The following NDUFB6 variants were observed in gnomAD, a reference collection of about 807,000 sequenced individuals.
The protein encoded by NDUFB6 is NADH dehydrogenase [ubiquinone] 1 beta subcomplex subunit 6.
NDUFB6 carries 23 observed loss-of-function variants against 17.5 expected under a neutral mutation model. That is an observed-to-expected ratio of 1.31 (90% CI 0.94 to 1.86). NDUFB6 has a LOEUF of 1.86. Among genes scored for constraint, NDUFB6 ranks in the 40% most tolerant of loss-of-function variants. The pLI is 0.00. For synonymous variants in NDUFB6, 60 were observed against 53.5 expected (o/e 1.12, Z -0.53); for missense variants, 167 against 153.8 (o/e 1.09, Z -0.46).
At position 32,553,870 on chromosome 9, in the gene NDUFB6, TA is replaced by T; in HGVS notation, c.*5del. 6.4e-7 allele frequency: 1 copy of T among 1,559,728 alleles called. No individual in the cohort carries two copies. Among genetic ancestry groups the T allele is most frequent in the African/African-American group, 1.4e-5 (1 of 73,530 alleles). On this transcript the variant is annotated 3_prime_UTR_variant, in exon 4 of 4. Transcript: ENST00000379847. ...CTCATAAGCCTTTTAACTTTTTACA[TA>T]ATCTTTAATGATGTTGATCAGGAAA...
chr9:32,566,668 G>A (rs148230845), intron 2 of NDUFB6: 49 of 812,430 alleles, frequency 6.0e-5, no homozygotes, highest in Admixed American at 3.2e-4. Context: ...AGGTAACTCC[G>A]GATCCGGCTT....
rs751685556 is a variant in NDUFB6, at chr9:32,558,892, A to G, written c.318+18T>C. ...AAAAACAATAAACAAAAGAAAAATC[A>G]GAAGTGTTAAGACTTACAGGGAATA... On this transcript the variant is annotated intron_variant, in intron 3 of 3. Transcript: ENST00000379847. 6.0e-6 allele frequency: 9 copies of G among 1,493,056 alleles called. No homozygotes were observed. In the East Asian group the frequency reaches 1.8e-4, roughly 30 times the overall value. The allele number at this position is 1,493,056 out of a possible 1,614,324, so 92.5% of individuals were successfully genotyped here.
At chr9:32,572,756 G>T in intron 1 of NDUFB6, 125 bp downstream of exon 1, 2 of 840,620 alleles carry the variant, frequency 2.4e-6, no homozygotes, top group Non-Finnish European at 3.5e-6. Flanking sequence ...CTCGGGACTG[G>T]CCAGTGTCCC....
chr9:32,562,239 G>C (rs1470960577), intron 2 of NDUFB6, among the ~76,000 whole-genome samples: 1 of 152,116 alleles, frequency 6.6e-6, no homozygotes, highest in Non-Finnish European at 1.5e-5. Context: ...TAAAGTCTTT[G>C]AGGTCAGGAA....
At chr9:32,559,603 C>T (rs942307489) in intron 2 of NDUFB6, among the ~76,000 whole-genome samples, 5 of 152,134 alleles carry the variant, frequency 3.3e-5, no homozygotes, top group African/African-American at 1.2e-4. Flanking sequence ...TTCATGATTC[C>T]TCTACCTGAA....
At chr9:32,565,835 G>A (rs867561395) in intron 2 of NDUFB6, among the ~76,000 whole-genome samples, 7 of 152,122 alleles carry the variant, frequency 4.6e-5, no homozygotes, top group Admixed American at 6.5e-5. Flanking sequence ...AGCCAGGCAT[G>A]GTGGCACATA....
chr9:32,571,007 G>A lies in NDUFB6; in HGVS notation c.226C>T (p.Leu76Phe), dbSNP rs1331314996. 1 of 1,605,812 alleles carries A rather than the reference G, an allele frequency of 6.2e-7. No homozygotes were observed. Among genetic ancestry groups the A allele is most frequent in the Admixed American group, 1.7e-5 (1 of 58,988 alleles). ...KKSIFVFTHV[L>F]VPVWIIHYYM... ...TAATGAATAATCCAGACAGGTACAA[G>A]TACATGAGTGAAAACAAAGATACTC... Residue 76 changes from leucine to phenylalanine, a missense_variant, in exon 2 of 4, where the codon CTT becomes TTT. Physicochemically the swap from Leu to Phe is conservative, Grantham distance 22. Coordinates refer to ENST00000379847, the MANE Select transcript of NDUFB6 (RefSeq NM_002493.5).
chr9:32,560,493 T>A (rs1399592629), intron 2 of NDUFB6, among the ~76,000 whole-genome samples: 1 of 152,214 alleles, frequency 6.6e-6, no homozygotes, highest in Non-Finnish European at 1.5e-5. Flanking sequence ...TCTGAAAACA[T>A]TGCTACATTC....
At chr9:32,559,116 C>T (rs10813835) in intron 2 of NDUFB6, among the ~76,000 whole-genome samples, 162 bp from the exon 3 acceptor site, 79,902 of 151,992 alleles carry the variant, frequency 0.53, 21,603 homozygotes, top group Middle Eastern at 0.67. Flanking sequence ...AGCTATCAAA[C>T]AGGCATCTCA....
chr9:32,568,742 A>ATTTT (rs1337982976), intron 2 of NDUFB6: 1 of 119,606 alleles, frequency 8.4e-6, no homozygotes, highest in African/African-American at 3.6e-5. Context: ...ATATATATAT[A>ATTTT]TATATATTTT....
At chr9:32,556,913 G>A (rs933813104) in intron 3 of NDUFB6, among the ~76,000 whole-genome samples, 4 of 142,598 alleles carry the variant, frequency 2.8e-5, no homozygotes, top group Non-Finnish European at 6.0e-5. Flanking sequence ...GTGCAGTGGC[G>A]CAATCTTGGC....
intron 1 of NDUFB6, 121 bp from the exon 2 acceptor site, chr9:32,571,173 A>G (rs1361894318): frequency 7.4e-6 from 5 of 671,656 alleles, no homozygotes; most frequent in Non-Finnish European, 1.3e-5. Context: ...AATGGCACAT[A>G]TTTTCTTATA....
At position 32,571,042 on chromosome 9, in the gene NDUFB6, A is replaced by G. The variant is rs1198076934; in HGVS notation, c.191T>C (p.Val64Ala). Reference protein sequence around the residue: ...KSPWRKMVHGVYKKSIFVFTH... With the variant: ...KSPWRKMVHGAYKKSIFVFTH... ...GAAAACAAAGATACTCTTTTTGTATACCCCATGGACCTGGGGGGAAAAACA... is the reference window on the plus strand; with the variant it reads ...GAAAACAAAGATACTCTTTTTGTATGCCCCATGGACCTGGGGGGAAAAACA... The change falls in exon 2 of 4, where the codon GTA becomes GCA. Residue 64 changes from valine (V) to alanine (A), a missense_variant. Transcript: ENST00000379847. The G allele has an allele frequency of 6.3e-7, 1 of 1,598,890 alleles. No individual in the cohort carries two copies. Among genetic ancestry groups the G allele is most frequent in the South Asian group, 1.1e-5 (1 of 88,928 alleles).
intron 3 of NDUFB6, among the ~76,000 whole-genome samples, chr9:32,554,146 G>A (rs979036225): frequency 5.3e-5 from 8 of 152,060 alleles, no homozygotes; most frequent in African/African-American, 1.9e-4. Flanking sequence ...GAAATAATAG[G>A]GAAATTTTCA....
At chr9:32,568,620 G>A (rs1821865176) in intron 2 of NDUFB6, 1 of 171,996 alleles carries the variant, frequency 5.8e-6, no homozygotes. Flanking sequence ...AATCGATGTG[G>A]CAAACCTCAG....
intron 2 of NDUFB6, chr9:32,568,366 G>A: frequency 4.2e-6 from 1 of 238,252 alleles, no homozygotes; most frequent in Non-Finnish European, 9.0e-6. Flanking sequence ...TAGATGAGAA[G>A]GTGCTCCTTT....
At chr9:32,563,696 CT>C (rs1228876976) in intron 2 of NDUFB6, among the ~76,000 whole-genome samples, 1 of 152,062 alleles carries the variant, frequency 6.6e-6, no homozygotes, top group Non-Finnish European at 1.5e-5. Flanking sequence ...GGTAATTTTT[CT>C]AATTCTATCA....
intron 3 of NDUFB6, among the ~76,000 whole-genome samples, chr9:32,558,204 C>T (rs1215648702): frequency 2.0e-5 from 3 of 151,224 alleles, no homozygotes; most frequent in Non-Finnish European, 4.4e-5. Flanking sequence ...CTCCACCTCC[C>T]AGGTTCACGC....
At chr9:32,566,062 G>GGAGT (rs1380031587) in intron 2 of NDUFB6, 1 of 412,204 alleles carries the variant, frequency 2.4e-6, no homozygotes, top group African/African-American at 2.7e-5. Context: ...AGGAGCTACT[G>GGAGT]GAGTGACCAA....
Sources: gnomAD v4.1 joint callset for allele counts (sites outside exome capture counted in the v4.1 genomes callset) on GRCh38, gnomAD v4.1.1 for gene constraint, MANE v1.5 for transcripts, NCBI Gene and HGNC (gene_info 2026-07-23, HGNC 2026-07-21) for gene names.